Variants in AGAP1 observed in about 807,000 individuals in gnomAD.
AGAP1 encodes ArfGAP with GTPase domain, ankyrin repeat and PH domain 1.
AGAP1 carries 29 observed loss-of-function variants against 105.3 expected under a neutral mutation model. That is an observed-to-expected ratio of 0.28 (90% CI 0.21 to 0.38). The LOEUF is 0.38. AGAP1 is among the 10% of genes least tolerant of loss of function. The pLI is 1.00. For synonymous variants in AGAP1, 509 were observed against 485.9 expected, an observed-to-expected ratio of 1.05 and a Z score of -0.63; for missense variants, 998 against 1,165.1, an observed-to-expected ratio of 0.86 and a Z score of 2.09.
In AGAP1 at chr2:236,036,753, G is replaced by T; in HGVS notation, c.1800+38G>T. On this transcript the variant is annotated intron_variant, in intron 14 of 17. Coordinates refer to ENST00000304032, the MANE Select transcript of AGAP1 (RefSeq NM_001037131.3). The surrounding 1 kb of genome is among the most constrained non-coding windows in gnomAD (Gnocchi z 5.7). Reference sequence around the variant, plus strand: ...GCTGCCCAAAACCAAGGCTGGGGCTGCTCAGGGGGAGTGCGGGCCCCAAGT... The same window carrying T: ...GCTGCCCAAAACCAAGGCTGGGGCTTCTCAGGGGGAGTGCGGGCCCCAAGT... 1 of 1,611,590 alleles carries T rather than the reference G, an allele frequency of 6.2e-7. No homozygotes were observed. The highest frequency in any genetic ancestry group is 8.5e-7 in the Non-Finnish European group (1 of 1,179,134).
At chr2:235,561,921 T>C (rs1160024348) in intron 1 of AGAP1, among the ~76,000 whole-genome samples, 2 of 152,184 alleles carry the variant, frequency 1.3e-5, no homozygotes, top group African/African-American at 4.8e-5. Flanking sequence ...TTCAAGGCTT[T>C]TCATTTAACT....
chr2:235,889,195 C>A lies in AGAP1; in HGVS notation c.1155+5746C>A, dbSNP rs76875203. Among the ~76,000 whole-genome samples the A allele has an allele frequency of 1.3e-5, 2 of 152,110 alleles. No homozygotes were observed. Among genetic ancestry groups the A allele is most frequent in the African/African-American group, 4.8e-5 (2 of 41,428 alleles). ...GCCAAACAAACAGTCGGTATGTGGC[C>A]GTGCTGTGCACCGAGCTCGTGGAAT... On this transcript the variant is annotated intron_variant, in intron 10 of 17. Transcript: ENST00000304032. This position sits in a 1 kb window ranked among gnomAD's most constrained non-coding sequence, Gnocchi z 4.6.
At chr2:236,091,443 C>T (rs963162862) in intron 16 of AGAP1, among the ~76,000 whole-genome samples, 1 of 152,162 alleles carries the variant, frequency 6.6e-6, no homozygotes, top group Non-Finnish European at 1.5e-5. Flanking sequence ...CCTTATGACC[C>T]AGCAGGTGCA....
Position 235,701,871 on chromosome 2 carries a change from A to G in AGAP1, c.164-7308A>G, listed in dbSNP as rs1162863594. 6.6e-6 allele frequency among the ~76,000 whole-genome samples: 1 copy of G among 152,090 alleles called. No individual in the cohort carries two copies. The highest frequency in any genetic ancestry group is 6.5e-5 in the Admixed American group (1 of 15,274). On this transcript the variant is annotated intron_variant, in intron 1 of 17. Coordinates refer to ENST00000304032, the MANE Select transcript of AGAP1 (RefSeq NM_001037131.3). This position sits in a 1 kb window ranked among gnomAD's most constrained non-coding sequence, Gnocchi z 4.1. Reference sequence around the variant, plus strand: ...TGCTCCTCTCCTCTGTGGATGTACCATCTTTCTTCCATTGTTGTTTTGTTT... The same window carrying G: ...TGCTCCTCTCCTCTGTGGATGTACCGTCTTTCTTCCATTGTTGTTTTGTTT...
In AGAP1 at chr2:235,614,496, A is replaced by G. The variant is rs1255549053; in HGVS notation, c.164-94683A>G. Among the ~76,000 whole-genome samples the G allele has an allele frequency of 6.6e-6, 1 of 152,124 alleles. No homozygotes were observed. The highest frequency in any genetic ancestry group is 2.4e-5 in the African/African-American group (1 of 41,442). On this transcript the variant is annotated intron_variant, in intron 1 of 17. Coordinates refer to ENST00000304032, the MANE Select transcript of AGAP1 (RefSeq NM_001037131.3). The surrounding 1 kb of genome is among the most constrained non-coding windows in gnomAD (Gnocchi z 4.7). Reference sequence around the variant, plus strand: ...CTCAAGGGAGAGAAAAGGCAAGGAGAAACATGGCGAGGGGTGGGGGCTTTG... The same window carrying G: ...CTCAAGGGAGAGAAAAGGCAAGGAGGAACATGGCGAGGGGTGGGGGCTTTG...
chr2:235,746,377 C>CTTTTTCTTT (rs1553620164), intron 5 of AGAP1, among the ~76,000 whole-genome samples: 5 of 55,542 alleles, frequency 9.0e-5, no homozygotes, highest in Non-Finnish European at 1.5e-4. Flanking sequence ...CCTCCCCCAA[C>CTTTTTCTTT]TTTTTTTTTT....
At chr2:235,576,016 C>A (rs1312331631) in intron 1 of AGAP1, among the ~76,000 whole-genome samples, 1 of 152,216 alleles carries the variant, frequency 6.6e-6, no homozygotes, top group Non-Finnish European at 1.5e-5. Flanking sequence ...TCCTAGGGAC[C>A]TAAGCCTCTC....
At chr2:235,592,943 G>C (rs936462840) in intron 1 of AGAP1, among the ~76,000 whole-genome samples, 3 of 152,168 alleles carry the variant, frequency 2.0e-5, no homozygotes, top group African/African-American at 7.2e-5. Flanking sequence ...GAGGCTGTCT[G>C]ACAGCTTCAG....
intron 1 of AGAP1, among the ~76,000 whole-genome samples, chr2:235,546,425 A>T (rs1943623437): frequency 6.6e-6 from 1 of 152,028 alleles, no homozygotes; most frequent in Non-Finnish European, 1.5e-5. Context: ...TTTTAAGTTA[A>T]CCAGGTTACA....
At chr2:235,929,552 C>T (rs1043003223) in intron 11 of AGAP1, among the ~76,000 whole-genome samples, 6 of 152,172 alleles carry the variant, frequency 3.9e-5, no homozygotes, top group South Asian at 2.1e-4. Flanking sequence ...AACGCCTCGT[C>T]GTTTGTTAAT....
intron 5 of AGAP1, among the ~76,000 whole-genome samples, chr2:235,746,714 G>A (rs1352279641): frequency 6.6e-6 from 1 of 151,974 alleles, no homozygotes; most frequent in Non-Finnish European, 1.5e-5. Context: ...CTGCAGGCCC[G>A]ACCGTGGCAT....
intron 1 of AGAP1, among the ~76,000 whole-genome samples, chr2:235,673,221 C>T (rs1203501403): frequency 6.6e-6 from 1 of 152,194 alleles, no homozygotes; most frequent in African/African-American, 2.4e-5. Context: ...CACAACTTCT[C>T]ATTTTATTAC....
chr2:235,603,800 G>A (rs1945820187), intron 1 of AGAP1, among the ~76,000 whole-genome samples: 1 of 152,092 alleles, frequency 6.6e-6, no homozygotes, highest in South Asian at 2.1e-4. Flanking sequence ...AAGTGTTTCG[G>A]TTATGCAACA....
rs1051948267 is a variant in AGAP1 at position 235,714,743 on chromosome 2, C to A, written c.223-2814C>A. 1.8e-4 allele frequency among the ~76,000 whole-genome samples: 28 copies of A among 152,200 alleles called. No homozygotes were observed. Among genetic ancestry groups the A allele is most frequent in the African/African-American group, 5.3e-4 (22 of 41,534 alleles). ...TGTAAATCACTGAGAACCTTTTTTC[C>A]ACACTGTCATGCCAAATTTGTTCTC... On this transcript the variant is annotated intron_variant, in intron 2 of 17. Transcript: ENST00000304032. This position sits in a 1 kb window ranked among gnomAD's most constrained non-coding sequence, Gnocchi z 4.1.
rs2055605570 is a variant in AGAP1, at chr2:235,992,341, A to AG, written c.1645+23718_1645+23719insG. On this transcript the variant is annotated intron_variant, in intron 13 of 17. Coordinates refer to ENST00000304032, the MANE Select transcript of AGAP1 (RefSeq NM_001037131.3). The surrounding 1 kb of genome is among the most constrained non-coding windows in gnomAD (Gnocchi z 4.8). ...CTCCCGTCAGTGCTCTCAGCTGTAA[A>AG]ATGGGAACGATCAGGTTGTCTACCT... Among the ~76,000 whole-genome samples, 1 of 152,132 alleles carries AG rather than the reference A, an allele frequency of 6.6e-6. No individual in the cohort carries two copies. The highest frequency in any genetic ancestry group is 1.9e-4 in the East Asian group (1 of 5,180).
At chr2:235,514,913 C>T (rs1286567146) in intron 1 of AGAP1, among the ~76,000 whole-genome samples, 1 of 152,184 alleles carries the variant, frequency 6.6e-6, no homozygotes, top group Non-Finnish European at 1.5e-5. Flanking sequence ...TTCAATGACT[C>T]ATGTCCCAGA....
chr2:235,995,065 C>CAAAA (rs58097220), intron 13 of AGAP1, among the ~76,000 whole-genome samples: 6 of 60,964 alleles, frequency 9.8e-5, no homozygotes, highest in Non-Finnish European at 1.4e-4. Flanking sequence ...GACTCTGTCT[C>CAAAA]AAAAAAAAAA....
At position 235,636,951 on chromosome 2, in the gene AGAP1, G is replaced by A. The variant is rs764926502; in HGVS notation, c.164-72228G>A. On this transcript the variant is annotated intron_variant, in intron 1 of 17. Transcript: ENST00000304032. Reference sequence around the variant, plus strand: ...GAATGCCAAGGATAACCAGACAGCCGCCAGAAGCCAGGACAGAGGCTCGCA... The same window carrying A: ...GAATGCCAAGGATAACCAGACAGCCACCAGAAGCCAGGACAGAGGCTCGCA... Among the ~76,000 whole-genome samples, 47 of 152,038 alleles carry A rather than the reference G, an allele frequency of 3.1e-4. 1 individual carries two copies. The highest frequency in any genetic ancestry group is 6.2e-4 in the Non-Finnish European group (42 of 68,026).
In AGAP1 at chr2:235,963,294, A is replaced by C. The variant is rs1474274748; in HGVS notation, c.1484-5168A>C. ...GCTAAAAGTGGGAAGGGGCCTAGAA[A>C]CAGACGTGCCATTTTGATTTCCAGA... On this transcript the variant is annotated intron_variant, in intron 12 of 17. Transcript: ENST00000304032. The surrounding 1 kb of genome is among the most constrained non-coding windows in gnomAD (Gnocchi z 5.1). 6.6e-6 allele frequency among the ~76,000 whole-genome samples: 1 copy of C among 152,204 alleles called. No individual in the cohort carries two copies. The highest frequency in any genetic ancestry group is 2.4e-5 in the African/African-American group (1 of 41,458).
Sources: allele counts gnomAD v4.1 joint callset (sites outside exome capture counted in the v4.1 genomes callset), GRCh38; gene constraint gnomAD v4.1.1; non-coding constraint Gnocchi (gnomAD v3.1); transcripts MANE v1.5; gene names NCBI Gene and HGNC (gene_info 2026-07-23, HGNC 2026-07-21).